Variants in GCNT2 observed in about 807,000 individuals in gnomAD.
The protein encoded by GCNT2 is glucosaminyl (N-acetyl) transferase 2 (I blood group).
A neutral mutation model predicts 34.2 loss-of-function variants in GCNT2; 34 were observed. The observed-to-expected ratio is 1.00, with a 90% CI of 0.76 to 1.32. GCNT2 has a LOEUF of 1.32. Among genes scored for constraint, GCNT2 ranks in the 40% most tolerant of loss-of-function variants. GCNT2 has a pLI of 0.00. For missense variants in GCNT2, 584 were observed against 489.4 expected (o/e 1.19, Z -1.82); for synonymous variants, 212 against 188.0 (o/e 1.13, Z -1.04).
chr6:10,530,609 G>GC (rs1241930751), intron 3 of GCNT2, among the ~76,000 whole-genome samples: 2 of 152,012 alleles, frequency 1.3e-5, no homozygotes, highest in African/African-American at 4.8e-5. Context: ...GGTGGCTCAC[G>GC]CCTGTAATCC....
chr6:10,555,463 G>T (rs1410270279), intron 3 of GCNT2, among the ~76,000 whole-genome samples: 1 of 152,140 alleles, frequency 6.6e-6, no homozygotes, highest in East Asian at 1.9e-4. Flanking sequence ...CTCTGGGGGG[G>T]TTAAAGCCTG....
At chr6:10,600,947 C>A (rs112216054) in intron 3 of GCNT2, among the ~76,000 whole-genome samples, 102 of 152,158 alleles carry the variant, frequency 6.7e-4, no homozygotes, top group African/African-American at 2.4e-3. Flanking sequence ...CATGCCACCA[C>A]ACCCAGCAAA....
intron 3 of GCNT2, among the ~76,000 whole-genome samples, chr6:10,570,878 C>T (rs1173301715): frequency 6.6e-6 from 1 of 152,192 alleles, no homozygotes; most frequent in Non-Finnish European, 1.5e-5. Flanking sequence ...CCGGCTTCCT[C>T]CCCACTTCTA....
chr6:10,602,404 C>T (rs145681457), intron 3 of GCNT2, among the ~76,000 whole-genome samples: 61 of 152,278 alleles, frequency 4.0e-4, no homozygotes, highest in Non-Finnish European at 2.8e-4. Flanking sequence ...AAGCCCAGGG[C>T]TTTTCATCCA....
intron 3 of GCNT2, among the ~76,000 whole-genome samples, chr6:10,541,868 G>A (rs1410193493): frequency 6.6e-6 from 1 of 152,166 alleles, no homozygotes; most frequent in Admixed American, 6.5e-5. Context: ...CTACCCTCAG[G>A]CAGAGCAGTT....
chr6:10,551,791 CTT>C (rs1762493754), intron 3 of GCNT2, among the ~76,000 whole-genome samples: 1 of 150,144 alleles, frequency 6.7e-6, no homozygotes. Flanking sequence ...CAGTTTCGCT[CTT>C]GTCACCCAGG....
In GCNT2 at chr6:10,626,761, T is replaced by C. The variant is rs1363972581; in HGVS notation, c.*154T>C. 3.1e-6 allele frequency: 2 copies of C among 653,918 alleles called. No homozygotes were observed. Among genetic ancestry groups the C allele is most frequent in the Non-Finnish European group, 5.5e-6 (2 of 365,404 alleles). 40.5% of individuals were successfully genotyped at this position (653,918 alleles called of 1,614,324 possible). Reference sequence around the variant, plus strand: ...ACGTAATTATACTTAAAATATCCACTGGACACTGTGAAATACACTAACAGG... The same window carrying C: ...ACGTAATTATACTTAAAATATCCACCGGACACTGTGAAATACACTAACAGG... On this transcript the variant is annotated 3_prime_UTR_variant, in exon 5 of 5. Transcript: ENST00000495262.
At chr6:10,600,203 T>C (rs1203618375) in intron 3 of GCNT2, among the ~76,000 whole-genome samples, 2 of 152,206 alleles carry the variant, frequency 1.3e-5, no homozygotes, top group Non-Finnish European at 2.9e-5. Flanking sequence ...TTGGTGTCTA[T>C]ACTAATACTG....
chr6:10,563,918 C>G (rs1763163548), intron 3 of GCNT2, among the ~76,000 whole-genome samples: 1 of 151,302 alleles, frequency 6.6e-6, no homozygotes, highest in Admixed American at 6.6e-5. Context: ...AAATTGAACC[C>G]AGTTTAATGA....
At chr6:10,570,939 C>G (rs752277612) in intron 3 of GCNT2, among the ~76,000 whole-genome samples, 8 of 152,188 alleles carry the variant, frequency 5.3e-5, no homozygotes, top group Non-Finnish European at 8.8e-5. Context: ...TATGGACTTT[C>G]TTTGTCAGGT....
chr6:10,554,331 A>C (rs1762602820), intron 3 of GCNT2, among the ~76,000 whole-genome samples: 1 of 152,254 alleles, frequency 6.6e-6, no homozygotes, highest in Non-Finnish European at 1.5e-5. Context: ...TATATTTTTC[A>C]ACACACAATG....
chr6:10,557,854 T>C (rs1339867706), intron 3 of GCNT2: 1 of 153,604 alleles, frequency 6.5e-6, no homozygotes, highest in African/African-American at 2.4e-5. Flanking sequence ...TACCTTTCCA[T>C]GCTATCACTT....
chr6:10,534,141 C>T (rs6907848), intron 3 of GCNT2, among the ~76,000 whole-genome samples: 44,900 of 110,068 alleles, frequency 0.41, 10,290 homozygotes, highest in South Asian at 0.57. Context: ...CCATGCTGCT[C>T]TTTTTTTTTT....
rs113036415 is a variant in GCNT2, at chr6:10,554,235, C to G, written c.925+24399C>G. Reference sequence around the variant, plus strand: ...GCAATAAGGGATTTTTTTTAAAGTTCTCCTGTCAAGATTTTTTAATACCAG... The same window carrying G: ...GCAATAAGGGATTTTTTTTAAAGTTGTCCTGTCAAGATTTTTTAATACCAG... On this transcript the variant is annotated intron_variant, in intron 3 of 4. Coordinates refer to ENST00000495262, the MANE Select transcript of GCNT2 (RefSeq NM_145649.5). 6.9e-3 allele frequency among the ~76,000 whole-genome samples: 1,050 copies of G among 152,206 alleles called. 6 individuals carry two copies. The highest frequency in any genetic ancestry group is 0.024 in the African/African-American group (978 of 41,538).
chr6:10,525,898 A>G (rs604533), intron 1 of GCNT2, among the ~76,000 whole-genome samples: 15,078 of 152,260 alleles, frequency 0.099, 829 homozygotes, highest in Middle Eastern at 0.14. Context: ...GAGGGATAGA[A>G]CTAGGCCAAG....
In GCNT2 at chr6:10,626,819, C is replaced by A. The variant is rs1479891486; in HGVS notation, c.*212C>A. Reference sequence around the variant, plus strand: ...GGTAGAGCAATCTGGGCACTTTGGCCAATTTTAGTCTTGCTGTTTCTTGAT... The same window carrying A: ...GGTAGAGCAATCTGGGCACTTTGGCAAATTTTAGTCTTGCTGTTTCTTGAT... On this transcript the variant is annotated 3_prime_UTR_variant, in exon 5 of 5. Coordinates refer to ENST00000495262, the MANE Select transcript of GCNT2 (RefSeq NM_145649.5). 3.5e-6 allele frequency: 2 copies of A among 568,400 alleles called. No homozygotes were observed. Among genetic ancestry groups the A allele is most frequent in the Non-Finnish European group, 6.3e-6 (2 of 317,230 alleles). 35.2% of individuals were successfully genotyped at this position (568,400 alleles called of 1,614,324 possible).
intron 3 of GCNT2, chr6:10,556,575 T>C (rs764007225): frequency 9.9e-6 from 16 of 1,614,100 alleles, no homozygotes; most frequent in Non-Finnish European, 1.3e-5. Flanking sequence ...TGCACATCTT[T>C]TATCAATGGA....
At chr6:10,580,531 G>T (rs1156668786) in intron 3 of GCNT2, among the ~76,000 whole-genome samples, 1 of 151,992 alleles carries the variant, frequency 6.6e-6, no homozygotes, top group Non-Finnish European at 1.5e-5. Flanking sequence ...GAGGTTGCCA[G>T]CCAGGCACAA....
chr6:10,612,598 A>G (rs777824111), intron 3 of GCNT2, among the ~76,000 whole-genome samples: 1 of 152,218 alleles, frequency 6.6e-6, no homozygotes, highest in African/African-American at 2.4e-5. Flanking sequence ...TAAAGGGATT[A>G]TATTTTCAAC....
Sources: allele counts gnomAD v4.1 joint callset (sites outside exome capture counted in the v4.1 genomes callset), GRCh38; gene constraint gnomAD v4.1.1; transcripts MANE v1.5; gene names NCBI Gene and HGNC (gene_info 2026-07-23, HGNC 2026-07-21).